The following UCP3 variants were observed in gnomAD, a reference collection of about 807,000 sequenced individuals.
UCP3 encodes the protein putative mitochondrial transporter UCP3.
Under a neutral mutation model 28.1 loss-of-function variants are expected in UCP3, and 24 were observed. That is an observed-to-expected ratio of 0.85 (90% confidence interval 0.62 to 1.20). The LOEUF (loss-of-function observed/expected upper bound fraction) is 1.20. Among genes scored for constraint, UCP3 ranks in the 50% most tolerant of loss-of-function variants. The probability of loss-of-function intolerance (pLI) is 0.00; values close to 1 mark genes in which losing one functional copy is unlikely to be tolerated. For synonymous variants in UCP3, 184 were observed against 171.2 expected (o/e 1.07, Z -0.59); for missense variants, 397 against 422.2 (o/e 0.94, Z 0.52).
intron 3 of UCP3, 86 bp downstream of exon 3, chr11:74,006,083 C>A: frequency 6.3e-7 from 1 of 1,580,586 alleles, no homozygotes; most frequent in Admixed American, 1.9e-5. Flanking sequence ...CCGCCCCTGG[C>A]TCTGCCTCTG....
At chr11:74,006,446 C>A (rs1591237501) in intron 2 of UCP3, 67 bp from the exon 3 acceptor site, 40 of 1,440,172 alleles carry the variant, frequency 2.8e-5, no homozygotes, top group East Asian at 4.9e-5. Context: ...TGCACAGGAA[C>A]CCTGCTGGGG....
In UCP3 at chr11:74,001,391, C is replaced by G; in HGVS notation, c.*21G>C. 6.2e-7 allele frequency: 1 copy of G among 1,612,926 alleles called. No individual in the cohort carries two copies. Among genetic ancestry groups the G allele is most frequent in the Non-Finnish European group, 8.5e-7 (1 of 1,178,888 alleles). Reference sequence around the variant, plus strand: ...TAACTGGTTTCGGACACGTTAGCTACCAGTGGCCTTCTTGTCTTGTTCAAA... The same window carrying G: ...TAACTGGTTTCGGACACGTTAGCTAGCAGTGGCCTTCTTGTCTTGTTCAAA... On this transcript the variant is annotated 3_prime_UTR_variant, in exon 7 of 7. Transcript: ENST00000314032.
At chr11:74,002,201 C>G (rs117811004) in intron 6 of UCP3, 2,652 of 154,162 alleles carry the variant, frequency 0.017, 42 homozygotes, top group Non-Finnish European at 0.023. Context: ...AGTCACATTC[C>G]CTGACGATGC....
chr11:74,006,182 G>T lies in UCP3; in HGVS notation c.324C>A (p.Pro108=). Reference sequence around the variant, plus strand: ...CTGGTCACTCACTGTCCGCGCCTTTGGGGGTGTACACCTGCTTGACGGAGT... The same window carrying T: ...CTGGTCACTCACTGTCCGCGCCTTTTGGGGTGTACACCTGCTTGACGGAGT... The part of the protein sequence containing the change: ...LYDSVKQVYT[P]KGADNSSLTT... Residue 108 remains proline, a synonymous_variant, in exon 3 of 7, where the codon CCC becomes CCA. Transcript: ENST00000314032. 1.9e-6 allele frequency: 3 copies of T among 1,614,128 alleles called. No homozygotes were observed. Among genetic ancestry groups the T allele is most frequent in the Non-Finnish European group, 1.7e-6 (2 of 1,180,032 alleles).
chr11:74,003,193 T>C (rs1306967180), intron 6 of UCP3, among the ~76,000 whole-genome samples: 2 of 152,224 alleles, frequency 1.3e-5, no homozygotes, highest in African/African-American at 4.8e-5. Flanking sequence ...TGTGAGGGAC[T>C]GTGGGAGATA....
At chr11:74,001,588 G>GCTCTC in intron 6 of UCP3, 62 bp from the exon 7 acceptor site, 7 of 1,439,736 alleles carry the variant, frequency 4.9e-6, no homozygotes, top group Non-Finnish European at 5.9e-6. Context: ...AGATGCGTGT[G>GCTCTC]CTCTCCCGGG....
chr11:74,003,216 G>A (rs117552079), intron 6 of UCP3, among the ~76,000 whole-genome samples: 3,603 of 152,310 alleles, frequency 0.024, 53 homozygotes, highest in Middle Eastern at 0.041. Flanking sequence ...AGATGTCTGA[G>A]CCACTTTTGC....
chr11:74,001,475 TACGAACATC>T lies in UCP3; in HGVS notation c.867_875del (p.Met290_Val292del), dbSNP rs1951621141. 7 of 1,614,140 alleles carry T rather than the reference TACGAACATC, an allele frequency of 4.3e-6. No individual in the cohort carries two copies. The highest frequency in any genetic ancestry group is 5.9e-6 in the Non-Finnish European group (7 of 1,180,026). On this transcript the variant is annotated inframe_deletion, in exon 7 of 7. Transcript: ENST00000314032. Reference sequence around the variant, plus strand: ...GGGCCCGTTTCAGCTGCTCATAGGTTACGAACATCACCACGTTCCAGGATCCCAAACGCA... The same window carrying T: ...GGGCCCGTTTCAGCTGCTCATAGGTTACCACGTTCCAGGATCCCAAACGCA...
chr11:74,006,852 G>C, intron 2 of UCP3, 65 bp downstream of exon 2: 2 of 1,612,576 alleles, frequency 1.2e-6, no homozygotes, highest in Middle Eastern at 1.7e-4. Flanking sequence ...ACGTCATGGG[G>C]GATATGGGAG....
In UCP3 at chr11:74,006,949, A is replaced by G. The variant is rs1299890165; in HGVS notation, c.94T>C (p.Phe32Leu). The G allele has an allele frequency of 6.2e-7, 1 of 1,614,218 alleles. No homozygotes were observed. The highest frequency in any genetic ancestry group is 2.2e-5 in the East Asian group (1 of 44,882). Residue 32 changes from phenylalanine to leucine, a missense_variant, in exon 2 of 7, where the codon TTT (phenylalanine) becomes CTT (leucine). By Grantham distance (22) the Phe-to-Leu change is conservative. Coordinates refer to ENST00000314032, the MANE Select transcript of UCP3 (RefSeq NM_003356.4). ...CGGACCTTGGCTGTGTCCAGTGGAA[A>G]GGTAACGAGGTCAGCAAAACAGGCT... The part of the protein sequence containing the change: ...TAACFADLVT[F>L]PLDTAKVRLQ...
intron 1 of UCP3, 71 bp from the exon 2 acceptor site, chr11:74,007,208 C>G: frequency 2.3e-6 from 2 of 882,006 alleles, no homozygotes; most frequent in South Asian, 3.5e-5. Context: ...CTTCCTTACC[C>G]AGGAGGGGCT....
At chr11:74,005,558 A>G (rs1252236011) in intron 4 of UCP3, among the ~76,000 whole-genome samples, 172 bp downstream of exon 4, 1 of 152,184 alleles carries the variant, frequency 6.6e-6, no homozygotes, top group East Asian at 1.9e-4. Context: ...GGTAAAATGA[A>G]CTGAGTTTGA....
intron 6 of UCP3, chr11:74,002,845 C>A: frequency 3.0e-6 from 3 of 985,436 alleles, no homozygotes; most frequent in Non-Finnish European, 3.6e-6. Flanking sequence ...TGGGTCCATT[C>A]TAACACTGGG....
At chr11:74,005,146 C>T (rs535566361) in intron 4 of UCP3, among the ~76,000 whole-genome samples, 22 of 152,266 alleles carry the variant, frequency 1.4e-4, no homozygotes, top group Middle Eastern at 6.8e-3. Flanking sequence ...GGTTCACATG[C>T]GGAGAGAGTC....
chr11:74,006,972 G>A lies in UCP3; in HGVS notation c.71C>T (p.Ala24Val). The A allele has an allele frequency of 1.9e-6, 3 of 1,614,214 alleles. No individual in the cohort carries two copies. The highest frequency in any genetic ancestry group is 2.5e-6 in the Non-Finnish European group (3 of 1,180,044). The change falls in exon 2 of 7, where the codon GCC (alanine) becomes GTC (valine). Residue 24 changes from alanine (A) to valine (V), a missense_variant. Physicochemically the swap from Ala to Val is moderately conservative, Grantham distance 64 (BLOSUM62 0). Coordinates refer to ENST00000314032, the MANE Select transcript of UCP3 (RefSeq NM_003356.4). Reference protein sequence around the residue: ...AVKFLGAGTAACFADLVTFPL... With the variant: ...AVKFLGAGTAVCFADLVTFPL... ...AAAGGTAACGAGGTCAGCAAAACAGGCTGCTGTGCCTGCCCCCAGGAACTT... is the reference window on the plus strand; with the variant it reads ...AAAGGTAACGAGGTCAGCAAAACAGACTGCTGTGCCTGCCCCCAGGAACTT...
intron 6 of UCP3, chr11:74,003,062 C>T: frequency 1.8e-6 from 1 of 558,468 alleles, no homozygotes; most frequent in Non-Finnish European, 2.3e-6. Flanking sequence ...GTGGACAATA[C>T]TACCCAGTTC....
At chr11:74,006,070 C>CT in intron 3 of UCP3, 99 bp downstream of exon 3, 3 of 1,567,132 alleles carry the variant, frequency 1.9e-6, no homozygotes, top group Non-Finnish European at 2.6e-6. Context: ...TACCAGCTTC[C>CT]CCCCGCCCCT....
At chr11:74,002,111 C>T (rs2734829) in intron 6 of UCP3, 3,395 of 155,552 alleles carry the variant, frequency 0.022, 59 homozygotes, top group Middle Eastern at 0.071. Flanking sequence ...GAGAAGCCCA[C>T]GAGCTGGCCC....
At chr11:74,007,785 G>A (rs10219224) in intron 1 of UCP3, among the ~76,000 whole-genome samples, 3,893 of 152,214 alleles carry the variant, frequency 0.026, 154 homozygotes, top group African/African-American at 0.087. Context: ...GTCAAGCTGC[G>A]GGAGGAGGGA....
Sources: allele counts gnomAD v4.1 joint callset (sites outside exome capture counted in the v4.1 genomes callset), GRCh38; gene constraint gnomAD v4.1.1; transcripts MANE v1.5; gene names NCBI Gene and HGNC (gene_info 2026-07-23, HGNC 2026-07-21).